The following PIK3R6 variants were observed in gnomAD, a reference collection of about 807,000 sequenced individuals.
PIK3R6 encodes the protein phosphoinositide 3-kinase regulatory subunit 6.
In PIK3R6, 91 loss-of-function variants were observed where a neutral mutation model predicts 84.9. The ratio of observed to expected loss-of-function variants is 1.07; its 90% CI spans 0.90 to 1.28. The LOEUF (loss-of-function observed/expected upper bound fraction) is 1.28, where lower values mean the gene tolerates loss of function less well. PIK3R6 is among the 50% of genes most tolerant of loss of function. PIK3R6 has a pLI of 0.00. For synonymous variants in PIK3R6, 416 were observed against 411.4 expected, an observed-to-expected ratio of 1.01 and a Z score of -0.13; for missense variants, 996 against 985.1, an observed-to-expected ratio of 1.01 and a Z score of -0.15.
intron 13 of PIK3R6, among the ~76,000 whole-genome samples, chr17:8,823,822 G>A (rs1377621833): frequency 6.6e-6 from 1 of 152,222 alleles, no homozygotes; most frequent in Admixed American, 6.5e-5. Context: ...CCAGGAGTGG[G>A]TTCTAGGCTC....
intron 18 of PIK3R6, among the ~76,000 whole-genome samples, chr17:8,815,039 G>A (rs574286782): frequency 1.3e-5 from 2 of 152,228 alleles, no homozygotes; most frequent in East Asian, 1.9e-4. Flanking sequence ...AGACAGAATC[G>A]ACAAAATCAA....
At chr17:8,854,243 G>C (rs1445464065) in intron 1 of PIK3R6, among the ~76,000 whole-genome samples, 1 of 151,952 alleles carries the variant, frequency 6.6e-6, no homozygotes, top group Non-Finnish European at 1.5e-5. Context: ...CCGCCTCCTG[G>C]GTTCAAGCAA....
At chr17:8,847,816 A>G (rs2088848240) in intron 2 of PIK3R6, among the ~76,000 whole-genome samples, 1 of 151,910 alleles carries the variant, frequency 6.6e-6, no homozygotes, top group Admixed American at 6.6e-5. Flanking sequence ...AAAAAAAAAA[A>G]TCATAATGTG....
At position 8,839,133 on chromosome 17, in the gene PIK3R6, C is replaced by A. The variant is rs996603006; in HGVS notation, c.98-478G>T. On this transcript the variant is annotated intron_variant, in intron 3 of 19. Transcript: ENST00000619866. The surrounding 1 kb of genome is among the most constrained non-coding windows in gnomAD (Gnocchi z 4.2). ...GAGGCTGAGACAGGCGGGTCACTTGCGGTCAGGAGTTCGAGACCAACCTGG... is the reference window on the plus strand; with the variant it reads ...GAGGCTGAGACAGGCGGGTCACTTGAGGTCAGGAGTTCGAGACCAACCTGG... Among the ~76,000 whole-genome samples, 6 of 151,946 alleles carry A rather than the reference C, an allele frequency of 3.9e-5. No homozygotes were observed. The highest frequency in any genetic ancestry group is 1.5e-4 in the African/African-American group (6 of 41,358).
intron 8 of PIK3R6, 55 bp downstream of exon 8, chr17:8,835,218 G>T: frequency 1.4e-6 from 2 of 1,384,712 alleles, no homozygotes; most frequent in East Asian, 2.5e-5. Flanking sequence ...TGACTGGTAT[G>T]GGCATGCAGG....
At chr17:8,854,995 C>T (rs2089087445) in intron 1 of PIK3R6, among the ~76,000 whole-genome samples, 1 of 152,150 alleles carries the variant, frequency 6.6e-6, no homozygotes, top group African/African-American at 2.4e-5. Context: ...GAGTTCAAGA[C>T]TAGCCTGGCC....
intron 13 of PIK3R6, among the ~76,000 whole-genome samples, chr17:8,826,898 G>A (rs569606217): frequency 5.9e-5 from 9 of 152,270 alleles, no homozygotes; most frequent in Admixed American, 2.0e-4. Context: ...ATTTTACTTC[G>A]TCTTTTCCAC....
chr17:8,830,024 C>G (rs1210290715), intron 9 of PIK3R6, among the ~76,000 whole-genome samples: 1 of 152,264 alleles, frequency 6.6e-6, no homozygotes, highest in South Asian at 2.1e-4. Context: ...TCAAACCTAG[C>G]TCAACCCTTA....
Position 8,839,730 on chromosome 17 carries a change from T to C in PIK3R6, c.14-33A>G. 4 of 1,517,630 alleles carry C rather than the reference T, an allele frequency of 2.6e-6. No homozygotes were observed. Among genetic ancestry groups the C allele is most frequent in the Non-Finnish European group, 3.6e-6 (4 of 1,117,932 alleles). 94.0% of individuals were successfully genotyped at this position (1,517,630 alleles called of 1,614,324 possible). A position where few individuals can be genotyped will look rare whatever the true frequency, so the allele number is the denominator to read the frequency against. The stretch of plus-strand genomic sequence containing the variant: ...GTGGTAGGGGTGGGAGGAAACTCAG[T>C]CCACTGAACCTCACCCTCGTCCCAC... On this transcript the variant is annotated intron_variant, in intron 2 of 19. Transcript: ENST00000619866. This position sits in a 1 kb window ranked among gnomAD's most constrained non-coding sequence, Gnocchi z 4.2.
At chr17:8,819,707 CAT>C (rs1336826412) in intron 17 of PIK3R6, among the ~76,000 whole-genome samples, 43 of 143,972 alleles carry the variant, frequency 3.0e-4, no homozygotes, top group African/African-American at 6.2e-4. Flanking sequence ...CACACACACA[CAT>C]ATATATACAT....
intron 17 of PIK3R6, among the ~76,000 whole-genome samples, chr17:8,819,956 T>TA (rs201494146): frequency 0.076 from 6,002 of 78,752 alleles, 411 homozygotes; most frequent in African/African-American, 0.3. Context: ...TATATATATA[T>TA]TTTTTTTTTG....
chr17:8,847,626 C>T (rs866431165), intron 2 of PIK3R6, among the ~76,000 whole-genome samples: 2 of 152,000 alleles, frequency 1.3e-5, no homozygotes, highest in African/African-American at 2.4e-5. Flanking sequence ...CACGGTGAAA[C>T]CCCGTCTCTA....
intron 9 of PIK3R6, among the ~76,000 whole-genome samples, chr17:8,831,790 C>A (rs1307229835): frequency 6.6e-6 from 1 of 152,152 alleles, no homozygotes; most frequent in African/African-American, 2.4e-5. Flanking sequence ...CTGACATATT[C>A]CATGATACTT....
rs1213017146 is a variant in PIK3R6, at chr17:8,817,639, T to G, written c.1995+1444A>C. On this transcript the variant is annotated intron_variant, in intron 18 of 19. Transcript: ENST00000619866. ...CCTGGTGACAGAGTGAGACTCCGTC[T>G]CGAAAAAAAACAAAACAAAACAAAA... Among the ~76,000 whole-genome samples the G allele has an allele frequency of 2.6e-5, 4 of 151,106 alleles. No individual in the cohort carries two copies. In the East Asian group the frequency reaches 7.7e-4, roughly 29 times the overall value.
chr17:8,806,833 G>C (rs2151170162), intron 18 of PIK3R6, among the ~76,000 whole-genome samples: 1 of 152,300 alleles, frequency 6.6e-6, no homozygotes, highest in South Asian at 2.1e-4. Context: ...TCTTCAAGCT[G>C]TCTCTGCCTT....
rs1350618761 is a variant in PIK3R6, at chr17:8,827,208, G to T, written c.1479C>A (p.Asn493Lys). The T allele has an allele frequency of 1.2e-5, 20 of 1,611,212 alleles. No homozygotes were observed. In the Admixed American group the frequency reaches 3.3e-4, roughly 27 times the overall value. ...RVDPWYQSNV[N>K]TLCPAIHKLA... ...GCTTGTGGATGGCGGGGCACAGCGTGTTGACGTTGCTCTGGTACCACGGGT... is the reference window on the plus strand; with the variant it reads ...GCTTGTGGATGGCGGGGCACAGCGTTTTGACGTTGCTCTGGTACCACGGGT... Residue 493 changes from asparagine (N) to lysine (K), a missense_variant, in exon 13 of 20, where the codon AAC (asparagine) becomes AAA (lysine). Asn to Lys is a moderately conservative substitution (Grantham distance 94). Coordinates refer to ENST00000619866, the MANE Select transcript of PIK3R6 (RefSeq NM_001010855.4).
chr17:8,827,702 GTGTGTGTGTA>G (rs1597396508), intron 12 of PIK3R6, among the ~76,000 whole-genome samples: 2 of 145,662 alleles, frequency 1.4e-5, no homozygotes, highest in Non-Finnish European at 3.0e-5. Flanking sequence ...AAAGTGTGGG[GTGTGTGTGTA>G]TGTGTGTGTA....
chr17:8,804,103 G>A lies in PIK3R6; in HGVS notation c.2046C>T (p.Asp682=), dbSNP rs1384426875. 1.4e-5 allele frequency: 22 copies of A among 1,614,020 alleles called. No homozygotes were observed. The highest frequency in any genetic ancestry group is 1.7e-5 in the Non-Finnish European group (20 of 1,179,882). ...CCAGCGACAGTGTCAGCAGCCTCTG[G>A]TCCCGGCTCTGGATCTGGATATTGT... ...RTNNIQIQSR[D]QRLLTLSLDK... The change falls in exon 19 of 20, where the codon GAC becomes GAT. Residue 682 remains aspartate (D), a synonymous_variant. Coordinates refer to ENST00000619866, the MANE Select transcript of PIK3R6 (RefSeq NM_001010855.4).
At position 8,839,540 on chromosome 17, in the gene PIK3R6, G is replaced by A; in HGVS notation, c.97+74C>T. The A allele has an allele frequency of 8.1e-7, 1 of 1,242,020 alleles. No individual in the cohort carries two copies. The highest frequency in any genetic ancestry group is 1.1e-6 in the Non-Finnish European group (1 of 882,228). The allele number at this position is 1,242,020 out of a possible 1,614,324, so 76.9% of individuals were successfully genotyped here. On this transcript the variant is annotated intron_variant, in intron 3 of 19. Coordinates refer to ENST00000619866, the MANE Select transcript of PIK3R6 (RefSeq NM_001010855.4). This position sits in a 1 kb window ranked among gnomAD's most constrained non-coding sequence, Gnocchi z 4.2. ...GAGCTCCAGGCCGGGGCTCTTTCCT[G>A]TATGCGCGTGTATTGTTGGCTGGGG...
Sources: allele counts gnomAD v4.1 joint callset (sites outside exome capture counted in the v4.1 genomes callset), GRCh38; gene constraint gnomAD v4.1.1; non-coding constraint Gnocchi (gnomAD v3.1); transcripts MANE v1.5; gene names NCBI Gene and HGNC (gene_info 2026-07-23, HGNC 2026-07-21).